The following RAB18 variants were observed in gnomAD, a reference collection of about 807,000 sequenced individuals.
The protein encoded by RAB18 is RAB18, member RAS oncogene family.
A neutral mutation model predicts 28.5 loss-of-function variants in RAB18; 10 were observed. That is an observed-to-expected ratio of 0.35 (90% confidence interval 0.22 to 0.60). The LOEUF is 0.60. Ranked by LOEUF, RAB18 falls within the 20% of genes least tolerant of loss-of-function variation. The probability of loss-of-function intolerance (pLI) is 0.78; values close to 1 mark genes in which losing one functional copy is unlikely to be tolerated. For synonymous variants in RAB18, 93 were observed against 86.9 expected, an observed-to-expected ratio of 1.07 and a Z score of -0.39; for missense variants, 188 against 244.2, an observed-to-expected ratio of 0.77 and a Z score of 1.53.
At chr10:27,513,638 G>A (rs1834372147) in intron 2 of RAB18, among the ~76,000 whole-genome samples, 1 of 152,128 alleles carries the variant, frequency 6.6e-6, no homozygotes, top group Admixed American at 6.6e-5. Context: ...TAAACTAGAA[G>A]ACAGTTAAAA....
intron 2 of RAB18, among the ~76,000 whole-genome samples, chr10:27,525,490 T>A (rs1457747679): frequency 6.6e-6 from 1 of 152,072 alleles, no homozygotes; most frequent in Admixed American, 6.5e-5. Context: ...ATGTAGATGG[T>A]TCCACTTTTA....
Position 27,539,909 on chromosome 10 carries a change from T to G in RAB18, c.*1858T>G. On this transcript the variant is annotated 3_prime_UTR_variant, in exon 7 of 7. Coordinates refer to ENST00000356940, the MANE Select transcript of RAB18 (RefSeq NM_021252.5). The stretch of plus-strand genomic sequence containing the variant: ...ATATGTACTATTGTGTTACTCAAAT[T>G]ATGTGGCTTTCATTTTGTTGTTTTG... 2.2e-6 allele frequency: 1 copy of G among 453,254 alleles called. No homozygotes were observed. The highest frequency in any genetic ancestry group is 4.4e-6 in the Non-Finnish European group (1 of 226,522). The allele number at this position is 453,254 out of a possible 1,614,324, so 28.1% of individuals were successfully genotyped here.
intron 2 of RAB18, among the ~76,000 whole-genome samples, chr10:27,511,409 T>C (rs1834319979): frequency 6.6e-6 from 1 of 152,108 alleles, no homozygotes; most frequent in Admixed American, 6.6e-5. Flanking sequence ...GTTTACCATG[T>C]TGGCCAGGCT....
intron 2 of RAB18, among the ~76,000 whole-genome samples, chr10:27,523,040 G>T (rs1347312171): frequency 6.6e-6 from 1 of 151,742 alleles, no homozygotes; most frequent in South Asian, 2.1e-4. Flanking sequence ...TACTTCTTCG[G>T]ATTTAATTTG....
intron 2 of RAB18, among the ~76,000 whole-genome samples, chr10:27,523,224 T>G (rs1403302348): frequency 6.6e-6 from 1 of 150,606 alleles, no homozygotes; most frequent in African/African-American, 2.4e-5. Flanking sequence ...TTTAAAATAC[T>G]TAGAACAATT....
rs745956111 is a variant in RAB18, at chr10:27,538,897, C to G, written c.*846C>G. ...ATGTTGGTAGTGTTTGTCCAGGTAC[C>G]TTAACTGTAGCTTGTGTAATGTTGA... is the stretch of plus-strand genomic sequence containing the variant. On this transcript the variant is annotated 3_prime_UTR_variant, in exon 7 of 7. Coordinates refer to ENST00000356940, the MANE Select transcript of RAB18 (RefSeq NM_021252.5). 2.2e-6 allele frequency: 1 copy of G among 453,676 alleles called. No homozygotes were observed. Among genetic ancestry groups the G allele is most frequent in the South Asian group, 1.6e-5 (1 of 64,468 alleles). 28.1% of individuals were successfully genotyped at this position (453,676 alleles called of 1,614,324 possible).
rs1463309587 is a variant in RAB18, at chr10:27,539,091, A to G, written c.*1040A>G. The G allele has an allele frequency of 2.4e-6, 1 of 422,940 alleles. No homozygotes were observed. Among genetic ancestry groups the G allele is most frequent in the African/African-American group, 2.1e-5 (1 of 48,758 alleles). The allele number at this position is 422,940 out of a possible 1,614,324, so 26.2% of individuals were successfully genotyped here. On this transcript the variant is annotated 3_prime_UTR_variant, in exon 7 of 7. Transcript: ENST00000356940. ...ATACTGTCACAATGAAAATCTTGAC[A>G]ATTTACTTAACAAGTAACCAGTAGT...
chr10:27,538,969 A>G lies in RAB18; in HGVS notation c.*918A>G, dbSNP rs140124932. ...TTCCATAATGGCTAGTTGATATTCA[A>G]AAACCTATTTCTGTGTTTTGAGGGG... On this transcript the variant is annotated 3_prime_UTR_variant, in exon 7 of 7. Transcript: ENST00000356940. 1.1e-3 allele frequency: 510 copies of G among 446,336 alleles called. 2 individuals are homozygous for G. The highest frequency in any genetic ancestry group is 9.4e-3 in the African/African-American group (469 of 49,774). 27.6% of individuals were successfully genotyped at this position (446,336 alleles called of 1,614,324 possible).
intron 3 of RAB18, among the ~76,000 whole-genome samples, chr10:27,527,892 A>G (rs1441220571): frequency 1.3e-5 from 2 of 152,066 alleles, no homozygotes; most frequent in African/African-American, 2.4e-5. Context: ...TAATGTTTTT[A>G]TGTCAGTTTT....
Position 27,541,896 on chromosome 10 carries a change from G to A in RAB18, c.*3845G>A. On this transcript the variant is annotated 3_prime_UTR_variant, in exon 7 of 7. Coordinates refer to ENST00000356940, the MANE Select transcript of RAB18 (RefSeq NM_021252.5). ...GCATTGTCACACCCTCGGCTTTCTAGATTAACCCAGTTACCTTTTAGCAGT... is the reference window on the plus strand; with the variant it reads ...GCATTGTCACACCCTCGGCTTTCTAAATTAACCCAGTTACCTTTTAGCAGT... 1 of 451,214 alleles carries A rather than the reference G, an allele frequency of 2.2e-6. No homozygotes were observed. The highest frequency in any genetic ancestry group is 1.6e-5 in the South Asian group (1 of 64,120). 28.0% of individuals were successfully genotyped at this position (451,214 alleles called of 1,614,324 possible).
At chr10:27,520,076 G>A (rs1266888171) in intron 2 of RAB18, among the ~76,000 whole-genome samples, 1 of 152,090 alleles carries the variant, frequency 6.6e-6, no homozygotes, top group Non-Finnish European at 1.5e-5. Flanking sequence ...CTTTTAATGC[G>A]ATGTATTACT....
chr10:27,509,620 A>G (rs1834285216), intron 1 of RAB18, among the ~76,000 whole-genome samples: 1 of 152,170 alleles, frequency 6.6e-6, no homozygotes, highest in Non-Finnish European at 1.5e-5. Flanking sequence ...CACCTTTTGT[A>G]CTTGGGGGAT....
chr10:27,504,382 G>A lies in RAB18; in HGVS notation c.13G>A (p.Val5Met), dbSNP rs1837745585. The part of the protein sequence containing the change: MDED[V>M]LTTLKILIIG... The stretch of plus-strand genomic sequence containing the variant: ...GAACGGGGTCAGGATGGACGAGGAC[G>A]TGCTAACCACCCTGAAGATCCTCAT... The change falls in exon 1 of 7, where the codon GTG becomes ATG. Residue 5 changes from valine to methionine, a missense_variant. Coordinates refer to ENST00000356940, the MANE Select transcript of RAB18 (RefSeq NM_021252.5). The A allele has an allele frequency of 6.3e-7, 1 of 1,576,146 alleles. No homozygotes were observed. The highest frequency in any genetic ancestry group is 1.3e-5 in the African/African-American group (1 of 74,712).
intron 1 of RAB18, among the ~76,000 whole-genome samples, chr10:27,506,297 G>T (rs1270196348): frequency 1.3e-5 from 2 of 151,952 alleles, no homozygotes; most frequent in African/African-American, 4.8e-5. Flanking sequence ...AGGTTAACTG[G>T]AGTATATAAA....
Position 27,538,760 on chromosome 10 carries a change from T to C in RAB18, c.*709T>C. ...CTGTGCAGCATTTTTAGTTATGTGG[T>C]GTTTGGCAGAATGACAATAAGGTTT... On this transcript the variant is annotated 3_prime_UTR_variant, in exon 7 of 7. Transcript: ENST00000356940. The C allele has an allele frequency of 2.2e-6, 1 of 454,100 alleles. No homozygotes were observed. Among genetic ancestry groups the C allele is most frequent in the South Asian group, 1.6e-5 (1 of 64,478 alleles). The allele number at this position is 454,100 out of a possible 1,614,324, so 28.1% of individuals were successfully genotyped here.
intron 3 of RAB18, 111 bp from the exon 4 acceptor site, chr10:27,532,396 C>G: frequency 1.3e-6 from 1 of 743,106 alleles, no homozygotes; most frequent in Non-Finnish European, 2.2e-6. Context: ...TTTTAATGAG[C>G]TCATGCATTA....
intron 3 of RAB18, 142 bp downstream of exon 3, chr10:27,527,031 A>ATCCTT: frequency 5.5e-6 from 5 of 903,340 alleles, no homozygotes; most frequent in African/African-American, 3.3e-5. Context: ...TGATTAAAGG[A>ATCCTT]TAAACAGTAA....
At chr10:27,516,529 G>C (rs746761881) in intron 2 of RAB18, among the ~76,000 whole-genome samples, 66 of 151,122 alleles carry the variant, frequency 4.4e-4, no homozygotes, top group Non-Finnish European at 6.9e-4. Context: ...CTGCACTCCA[G>C]CCTGGGTGAC....
chr10:27,540,977 T>C lies in RAB18; in HGVS notation c.*2926T>C, dbSNP rs892190118. The stretch of plus-strand genomic sequence containing the variant: ...ACTTACCTAATAACCATAGTGTCTT[T>C]AAGTACAACTTAATACATATTTTTT... On this transcript the variant is annotated 3_prime_UTR_variant, in exon 7 of 7. Transcript: ENST00000356940. 1.7e-4 allele frequency: 79 copies of C among 453,940 alleles called. No homozygotes were observed. In the Admixed American group the frequency reaches 1.8e-3, roughly 10 times the overall value. 28.1% of individuals were successfully genotyped at this position (453,940 alleles called of 1,614,324 possible). A position where few individuals can be genotyped will look rare whatever the true frequency, so the allele number is the denominator to read the frequency against.
Sources: allele counts gnomAD v4.1 joint callset (sites outside exome capture counted in the v4.1 genomes callset), GRCh38; gene constraint gnomAD v4.1.1; transcripts MANE v1.5; gene names NCBI Gene and HGNC (gene_info 2026-07-23, HGNC 2026-07-21).